The following ARHGAP24 variants were observed in gnomAD, a reference collection of about 807,000 sequenced individuals.
ARHGAP24 encodes Rho GTPase activating protein 24.
In ARHGAP24, 50 loss-of-function variants were observed where a neutral mutation model predicts 76.4. The observed-to-expected ratio is 0.65, with a 90% CI of 0.52 to 0.83. The LOEUF is 0.83. Ranked by LOEUF, ARHGAP24 falls within the 40% of genes least tolerant of loss-of-function variation. ARHGAP24 has a pLI of 0.00. For missense variants in ARHGAP24, 930 were observed against 914.2 expected (o/e 1.02, Z -0.22); for synonymous variants, 345 against 323.3 (o/e 1.07, Z -0.72).
intron 2 of ARHGAP24, among the ~76,000 whole-genome samples, chr4:85,715,411 TA>T (rs1193551607): frequency 1.3e-5 from 2 of 152,094 alleles, no homozygotes; most frequent in African/African-American, 2.4e-5. Flanking sequence ...TTTTAAATAT[TA>T]AAATAATAAA....
chr4:85,596,116 G>A (rs1487841644), intron 2 of ARHGAP24, among the ~76,000 whole-genome samples: 1 of 151,688 alleles, frequency 6.6e-6, no homozygotes, highest in Non-Finnish European at 1.5e-5. Context: ...TGGTAACCCA[G>A]CAAAGCTTTT....
chr4:85,979,674 A>T (rs1384011200), intron 8 of ARHGAP24, among the ~76,000 whole-genome samples: 2 of 152,172 alleles, frequency 1.3e-5, no homozygotes, highest in Non-Finnish European at 2.9e-5. Flanking sequence ...ACACTTTAAA[A>T]AATTTTCTTC....
chr4:85,651,808 T>C (rs2109981714), intron 2 of ARHGAP24, among the ~76,000 whole-genome samples: 1 of 152,134 alleles, frequency 6.6e-6, no homozygotes, highest in Non-Finnish European at 1.5e-5. Context: ...TTTCCTCTTA[T>C]TAGATATGTC....
chr4:85,995,757 CAA>C (rs966822679), intron 9 of ARHGAP24, 100 bp downstream of exon 9: 34 of 1,147,828 alleles, frequency 3.0e-5, no homozygotes, highest in African/African-American at 4.6e-5. Context: ...GCTCCAAAGT[CAA>C]AGAAACACAA....
chr4:85,683,117 T>TGG (rs201448168), intron 2 of ARHGAP24, among the ~76,000 whole-genome samples: 2,524 of 56,920 alleles, frequency 0.044, 123 homozygotes, highest in East Asian at 0.2. Flanking sequence ...TGTGGGGGGG[T>TGG]GGGGGGGGGG....
intron 2 of ARHGAP24, among the ~76,000 whole-genome samples, chr4:85,598,848 A>G (rs1719934630): frequency 6.6e-6 from 1 of 151,428 alleles, no homozygotes. Context: ...GCAGGTCATA[A>G]CTTTGAGCCC....
intron 3 of ARHGAP24, among the ~76,000 whole-genome samples, chr4:85,760,251 A>C: frequency 6.6e-6 from 1 of 152,284 alleles, no homozygotes; most frequent in Middle Eastern, 3.4e-3. Context: ...CATTATTTTA[A>C]TATTCTATAA....
At chr4:85,532,212 GT>G (rs1480720884) in intron 1 of ARHGAP24, among the ~76,000 whole-genome samples, 7 of 151,994 alleles carry the variant, frequency 4.6e-5, no homozygotes, top group African/African-American at 1.7e-4. Context: ...ATTTGTTCCT[GT>G]TTTGTCTCTT....
At chr4:85,501,270 T>A (rs957112516) in intron 1 of ARHGAP24, among the ~76,000 whole-genome samples, 2 of 152,120 alleles carry the variant, frequency 1.3e-5, no homozygotes, top group Non-Finnish European at 2.9e-5. Context: ...AAATGGTATT[T>A]CTAGTTCTAG....
intron 2 of ARHGAP24, among the ~76,000 whole-genome samples, chr4:85,711,707 A>T (rs1259075418): frequency 6.6e-6 from 1 of 152,192 alleles, no homozygotes. Flanking sequence ...AAAATTAGCA[A>T]GGTCATTGTA....
intron 2 of ARHGAP24, among the ~76,000 whole-genome samples, chr4:85,704,328 T>C (rs1724216878): frequency 6.6e-6 from 1 of 152,206 alleles, no homozygotes; most frequent in African/African-American, 2.4e-5. Context: ...AAGAAACCAT[T>C]TCTTCCTCAA....
intron 3 of ARHGAP24, among the ~76,000 whole-genome samples, chr4:85,773,956 G>T (rs1480839225): frequency 1.3e-5 from 2 of 152,142 alleles, no homozygotes; most frequent in African/African-American, 2.4e-5. Context: ...AATAGGAAAA[G>T]AGCACTTTTT....
chr4:85,914,555 G>A (rs770580130), intron 3 of ARHGAP24, among the ~76,000 whole-genome samples: 2 of 152,044 alleles, frequency 1.3e-5, no homozygotes, highest in Non-Finnish European at 2.9e-5. Flanking sequence ...ATGTTTATAG[G>A]GAATATAAAG....
At chr4:85,730,988 A>G (rs761162021) in intron 3 of ARHGAP24, among the ~76,000 whole-genome samples, 113 of 82,244 alleles carry the variant, frequency 1.4e-3, no homozygotes, top group Non-Finnish European at 2.8e-3. Context: ...ATATAACTGC[A>G]CACACACACA....
intron 3 of ARHGAP24, among the ~76,000 whole-genome samples, chr4:85,728,280 AC>A (rs1725247368): frequency 6.6e-6 from 1 of 150,832 alleles, no homozygotes; most frequent in Non-Finnish European, 1.5e-5. Context: ...AATTGCACAT[AC>A]TTTTGAGGAC....
rs546997614 is a variant in ARHGAP24 at position 85,900,218 on chromosome 4, T to C, written c.269-23430T>C. Among the ~76,000 whole-genome samples, 10 of 152,328 alleles carry C rather than the reference T, an allele frequency of 6.6e-5. No homozygotes were observed. In the South Asian group the frequency reaches 2.1e-3, roughly 32 times the overall value. The stretch of plus-strand genomic sequence containing the variant: ...TATCAATTATTATTATCAACATCAA[T>C]ATTATCAATTATCAATATCAGTATT... On this transcript the variant is annotated intron_variant, in intron 3 of 9. Transcript: ENST00000395184.
chr4:85,529,585 A>T (rs909034234), intron 1 of ARHGAP24, among the ~76,000 whole-genome samples: 3 of 151,928 alleles, frequency 2.0e-5, no homozygotes, highest in Non-Finnish European at 4.4e-5. Context: ...GTTGGAACCA[A>T]ACTGTTGGGT....
intron 2 of ARHGAP24, among the ~76,000 whole-genome samples, chr4:85,647,995 G>T (rs1223352356): frequency 1.3e-5 from 2 of 152,060 alleles, no homozygotes; most frequent in Non-Finnish European, 2.9e-5. Context: ...TTAGAAAAAT[G>T]GTTGCCATTG....
Position 85,662,610 on chromosome 4 carries a change from G to A in ARHGAP24, c.181-59275G>A, listed in dbSNP as rs1469506868. On this transcript the variant is annotated intron_variant, in intron 2 of 9. Coordinates refer to ENST00000395184, the MANE Select transcript of ARHGAP24 (RefSeq NM_001025616.3). ...CCTTGCCCATGCCTATGTCCTGAATGGTATTGCCTAGGTTTTCTTCTAGGG... is the reference window on the plus strand; with the variant it reads ...CCTTGCCCATGCCTATGTCCTGAATAGTATTGCCTAGGTTTTCTTCTAGGG... Among the ~76,000 whole-genome samples the A allele has an allele frequency of 4.0e-5, 6 of 151,814 alleles. 1 individual carries two copies. The highest frequency in any genetic ancestry group is 1.2e-4 in the African/African-American group (5 of 41,176).
Sources: gnomAD v4.1 joint callset for allele counts (sites outside exome capture counted in the v4.1 genomes callset) on GRCh38, gnomAD v4.1.1 for gene constraint, MANE v1.5 for transcripts, NCBI Gene and HGNC (gene_info 2026-07-23, HGNC 2026-07-21) for gene names.